The following KCNAB1 variants were observed in gnomAD, a reference collection of about 807,000 sequenced individuals.
KCNAB1 encodes the protein voltage-gated potassium channel subunit beta-1.
In KCNAB1, 35 loss-of-function variants were observed where a neutral mutation model predicts 64.6. The ratio of observed to expected loss-of-function variants is 0.54; its 90% CI spans 0.41 to 0.72. The LOEUF (loss-of-function observed/expected upper bound fraction) is 0.72. Ranked by LOEUF, KCNAB1 falls within the 30% of genes least tolerant of loss-of-function variation. The pLI, the probability that KCNAB1 is intolerant of heterozygous loss-of-function variation, is 0.00. For synonymous variants in KCNAB1, 177 were observed against 183.8 expected (o/e 0.96, Z 0.30); for missense variants, 401 against 512.9 (o/e 0.78, Z 2.11).
intron 2 of KCNAB1, among the ~76,000 whole-genome samples, chr3:156,446,300 C>T (rs7644745): frequency 0.67 from 102,602 of 152,024 alleles, 35,124 homozygotes; most frequent in African/African-American, 0.78. Context: ...TTGCTGGATA[C>T]GCAATTTAGA....
chr3:156,282,522 G>A (rs957717024), intron 1 of KCNAB1, among the ~76,000 whole-genome samples: 5 of 150,620 alleles, frequency 3.3e-5, no homozygotes, highest in African/African-American at 9.8e-5. Flanking sequence ...GGGTATCCTT[G>A]TTGACTTTCT....
Position 156,457,507 on chromosome 3 carries a change from A to G in KCNAB1, c.412A>G (p.Thr138Ala). 1 of 1,613,910 alleles carries G rather than the reference A, an allele frequency of 6.2e-7. No homozygotes were observed. The highest frequency in any genetic ancestry group is 1.1e-5 in the South Asian group (1 of 91,070). ...AYESGVNLFD[T>A]AEVYAAGKAE... ...TGAAAGTGGTGTTAACCTCTTTGAT[A>G]CTGCCGAAGTCTATGCTGCTGGAAA... Residue 138 changes from threonine (T) to alanine (A), a missense_variant, in exon 4 of 14, where the codon ACT (threonine) becomes GCT (alanine). Transcript: ENST00000490337.
chr3:156,332,107 T>C (rs1723377009), intron 1 of KCNAB1, among the ~76,000 whole-genome samples: 3 of 152,230 alleles, frequency 2.0e-5, no homozygotes, highest in African/African-American at 7.2e-5. Flanking sequence ...ACACATTTTA[T>C]ACAAAAATAA....
intron 1 of KCNAB1, among the ~76,000 whole-genome samples, chr3:156,251,724 C>G (rs772475495): frequency 2.0e-5 from 3 of 152,044 alleles, no homozygotes; most frequent in Admixed American, 6.5e-5. Context: ...ATTGTGTGTT[C>G]TAAAATACAA....
intron 1 of KCNAB1, among the ~76,000 whole-genome samples, chr3:156,169,900 A>G (rs554027415): frequency 1.3e-5 from 2 of 152,340 alleles, no homozygotes; most frequent in South Asian, 4.1e-4. Context: ...TCTTCATAGC[A>G]GTGTGAAAAT....
intron 8 of KCNAB1, among the ~76,000 whole-genome samples, chr3:156,494,338 A>C (rs1235080442): frequency 6.6e-6 from 1 of 152,132 alleles, no homozygotes; most frequent in Non-Finnish European, 1.5e-5. Flanking sequence ...AGCATAATAA[A>C]AAATTTGGAA....
At chr3:156,191,607 ATG>A (rs2108361756) in intron 1 of KCNAB1, among the ~76,000 whole-genome samples, 1 of 152,342 alleles carries the variant, frequency 6.6e-6, no homozygotes, top group East Asian at 1.9e-4. Flanking sequence ...AGTTGACAAA[ATG>A]TGCCCGGGTT....
Position 156,180,791 on chromosome 3 carries a change from G to A in KCNAB1, c.275+59905G>A, listed in dbSNP as rs202064355. On this transcript the variant is annotated intron_variant, in intron 1 of 13. Coordinates refer to ENST00000490337, the MANE Select transcript of KCNAB1 (RefSeq NM_172160.3). Reference sequence around the variant, plus strand: ...AATAAGCTAAGCAGAGTGTCATGCAGGTCTCAGGGAGGGAGAACAGAAATG... The same window carrying A: ...AATAAGCTAAGCAGAGTGTCATGCAAGTCTCAGGGAGGGAGAACAGAAATG... Among the ~76,000 whole-genome samples the A allele has an allele frequency of 1.6e-4, 25 of 152,296 alleles. No individual in the cohort carries two copies. In the East Asian group the frequency reaches 4.8e-3, roughly 29 times the overall value.
chr3:156,184,556 A>G (rs1321262854), intron 1 of KCNAB1, among the ~76,000 whole-genome samples: 1 of 152,248 alleles, frequency 6.6e-6, no homozygotes, highest in African/African-American at 2.4e-5. Context: ...CTAGACAGAT[A>G]ATTGATGGAA....
chr3:156,461,806 A>C (rs1351155435), intron 5 of KCNAB1, among the ~76,000 whole-genome samples: 1 of 152,216 alleles, frequency 6.6e-6, no homozygotes, highest in Non-Finnish European at 1.5e-5. Context: ...ACTGCCTTTC[A>C]TTCTTGCAAA....
intron 1 of KCNAB1, among the ~76,000 whole-genome samples, chr3:156,366,704 A>G (rs1221553488): frequency 6.6e-6 from 1 of 152,182 alleles, no homozygotes; most frequent in Admixed American, 6.5e-5. Flanking sequence ...CTGCATCACC[A>G]CCTAAGCCAT....
At chr3:156,318,829 G>GC (rs1193685353) in intron 1 of KCNAB1, among the ~76,000 whole-genome samples, 5 of 152,088 alleles carry the variant, frequency 3.3e-5, no homozygotes, top group African/African-American at 9.7e-5. Flanking sequence ...ATGCTACTTG[G>GC]CCATCTCATG....
chr3:156,471,137 C>A (rs535034812), intron 7 of KCNAB1, among the ~76,000 whole-genome samples: 4 of 152,144 alleles, frequency 2.6e-5, no homozygotes, highest in African/African-American at 7.2e-5. Context: ...TAAATAGAAC[C>A]CTTGCAGAAT....
chr3:156,132,014 A>G (rs937835608), intron 1 of KCNAB1, among the ~76,000 whole-genome samples: 4 of 152,202 alleles, frequency 2.6e-5, no homozygotes, highest in Non-Finnish European at 2.9e-5. Flanking sequence ...AACTGCAAAG[A>G]AGGCTGGGAA....
intron 1 of KCNAB1, among the ~76,000 whole-genome samples, chr3:156,377,962 C>T (rs1711821159): frequency 6.6e-6 from 1 of 151,970 alleles, no homozygotes; most frequent in South Asian, 2.1e-4. Flanking sequence ...CAGTGTAAGT[C>T]TCCGGGGAGG....
rs1167178327 is a variant in KCNAB1 at position 156,158,183 on chromosome 3, T to TAAAA, written c.275+37300_275+37301insAAAA. Among the ~76,000 whole-genome samples, 2 of 31,978 alleles carry TAAAA rather than the reference T, an allele frequency of 6.3e-5. 1 individual carries two copies. Among genetic ancestry groups the TAAAA allele is most frequent in the African/African-American group, 1.8e-4 (2 of 11,388 alleles). The allele number at this position is 31,978 out of a possible 152,430, so 21.0% of individuals were successfully genotyped here. On this transcript the variant is annotated intron_variant, in intron 1 of 13. Coordinates refer to ENST00000490337, the MANE Select transcript of KCNAB1 (RefSeq NM_172160.3). ...CTGTCTCAAAAAAAAAAATAAAAAA[T>TAAAA]AAATAAATAAATAAATAAATAAATA...
chr3:156,485,451 C>T (rs1576927407), intron 8 of KCNAB1, among the ~76,000 whole-genome samples: 2 of 151,840 alleles, frequency 1.3e-5, no homozygotes, highest in Non-Finnish European at 2.9e-5. Flanking sequence ...TCTATATGAC[C>T]ATAACACAAT....
At position 156,192,130 on chromosome 3, in the gene KCNAB1, G is replaced by T. The variant is rs565777882; in HGVS notation, c.275+71244G>T. On this transcript the variant is annotated intron_variant, in intron 1 of 13. Coordinates refer to ENST00000490337, the MANE Select transcript of KCNAB1 (RefSeq NM_172160.3). ...AATCATACATGTATACTCTTTTTTT[G>T]GTCTGGCTTCTTTGATTCAGCTTAA... Among the ~76,000 whole-genome samples, 26 of 151,728 alleles carry T rather than the reference G, an allele frequency of 1.7e-4. No individual in the cohort carries two copies. The East Asian group carries it at 4.1e-3, about 24-fold the overall frequency.
intron 8 of KCNAB1, among the ~76,000 whole-genome samples, chr3:156,482,503 G>C (rs111641584): frequency 6.6e-6 from 1 of 151,322 alleles, no homozygotes; most frequent in African/African-American, 2.4e-5. Context: ...AGGAAGTTAT[G>C]GGGGTAGATT....
Sources: allele counts gnomAD v4.1 joint callset (sites outside exome capture counted in the v4.1 genomes callset), GRCh38; gene constraint gnomAD v4.1.1; transcripts MANE v1.5; gene names NCBI Gene and HGNC (gene_info 2026-07-23, HGNC 2026-07-21).